TMEM178B: variants seen among roughly 807,000 people sequenced by gnomAD.
TMEM178B encodes transmembrane protein 178B.
A neutral mutation model predicts 31.0 loss-of-function variants in TMEM178B; 5 were observed. The ratio of observed to expected loss-of-function variants is 0.16; its 90% CI spans 0.08 to 0.34. The LOEUF (loss-of-function observed/expected upper bound fraction) is 0.34. Ranked by LOEUF, TMEM178B falls within the 10% of genes least tolerant of loss-of-function variation. The pLI is 1.00. For missense variants in TMEM178B, 275 were observed against 400.3 expected (o/e 0.69, Z 2.67); for synonymous variants, 164 against 164.0 (o/e 1.00, Z 0.00).
intron 1 of TMEM178B, among the ~76,000 whole-genome samples, chr7:141,184,789 G>C (rs117975093): frequency 1.3e-5 from 2 of 152,118 alleles, no homozygotes; most frequent in African/African-American, 4.8e-5. Flanking sequence ...AAGTTTACAC[G>C]CAGTGACCCT....
chr7:141,370,785 C>T (rs1392870857), intron 2 of TMEM178B, among the ~76,000 whole-genome samples: 1 of 152,244 alleles, frequency 6.6e-6, no homozygotes, highest in Non-Finnish European at 1.5e-5. Context: ...TTCCTCTTTG[C>T]ACATGGCAAA....
Position 141,473,028 on chromosome 7 carries a change from G to C in TMEM178B, c.*2242G>C, listed in dbSNP as rs1247527036. On this transcript the variant is annotated 3_prime_UTR_variant, in exon 4 of 4. Coordinates refer to ENST00000565468, the MANE Select transcript of TMEM178B (RefSeq NM_001195278.2). ...CTGTGTGTGGGTGTGCTGGGCGATA[G>C]GGTAAGGTGTGCAACGGGAAAAGTT... 6.6e-6 allele frequency: 1 copy of C among 152,194 alleles called. No individual in the cohort carries two copies. The highest frequency in any genetic ancestry group is 2.4e-5 in the African/African-American group (1 of 41,436). 9.4% of individuals were successfully genotyped at this position (152,194 alleles called of 1,614,324 possible). A position where few individuals can be genotyped will look rare whatever the true frequency, so the allele number is the denominator to read the frequency against.
rs573728249 is a variant in TMEM178B, at chr7:141,083,214, G to T, written c.382+8522G>T. On this transcript the variant is annotated intron_variant, in intron 1 of 3. Transcript: ENST00000565468. ...AACAATCCACAGAGAGAGGAGGAAG[G>T]GTGTGACTTGGTGAATGAATAGATG... Among the ~76,000 whole-genome samples the T allele has an allele frequency of 1.1e-4, 16 of 152,186 alleles. No homozygotes were observed. In the South Asian group the frequency reaches 1.5e-3, roughly 14 times the overall value.
chr7:141,177,110 C>T (rs567203773), intron 1 of TMEM178B, among the ~76,000 whole-genome samples: 1 of 152,320 alleles, frequency 6.6e-6, no homozygotes, highest in South Asian at 2.1e-4. Context: ...TCCCTCTACA[C>T]ACTGCTTTAA....
At chr7:141,504,719 G>A in the TMEM178B span, among the ~76,000 whole-genome samples, 2 of 152,152 alleles carry the variant, frequency 1.3e-5, no homozygotes, top group Admixed American at 6.5e-5. Flanking sequence ...TAGCTTTTGG[G>A]GTACAAGTGG....
chr7:141,082,675 C>G (rs1794705634), intron 1 of TMEM178B, among the ~76,000 whole-genome samples: 1 of 152,220 alleles, frequency 6.6e-6, no homozygotes, highest in South Asian at 2.1e-4. Flanking sequence ...TTTTGAGCAC[C>G]TGCTGTGTGC....
At chr7:141,349,955 GCATCCATCCATCCATC>G (rs60758674) in intron 2 of TMEM178B, among the ~76,000 whole-genome samples, 9 of 150,120 alleles carry the variant, frequency 6.0e-5, no homozygotes, top group Non-Finnish European at 8.9e-5. Flanking sequence ...ATGCATCCAT[GCATCCATCCATCCATC>G]CATCCATCCA....
intron 1 of TMEM178B, among the ~76,000 whole-genome samples, chr7:141,150,075 T>TA (rs1225410951): frequency 6.6e-6 from 1 of 152,096 alleles, no homozygotes; most frequent in Non-Finnish European, 1.5e-5. Context: ...GGAGTCTCTT[T>TA]AGCGGGGTTG....
intron 1 of TMEM178B, among the ~76,000 whole-genome samples, chr7:141,106,896 C>T (rs1367725724): frequency 2.6e-5 from 4 of 152,156 alleles, no homozygotes; most frequent in African/African-American, 7.2e-5. Context: ...AATCCCTGTT[C>T]TGCCTGAGCC....
rs370478102 is a variant in TMEM178B, at chr7:141,230,476, CTCTT to C, written c.496+17778_496+17781del. On this transcript the variant is annotated intron_variant, in intron 2 of 3. Coordinates refer to ENST00000565468, the MANE Select transcript of TMEM178B (RefSeq NM_001195278.2). ...TTGTACTTCTCCTTTGTAAAGTTCT[CTCTT>C]TCTTTTCTTTGTCTCTACTGTCCTG... Among the ~76,000 whole-genome samples the C allele has an allele frequency of 7.9e-5, 12 of 152,246 alleles. No individual in the cohort carries two copies. The East Asian group carries it at 2.3e-3, about 29-fold the overall frequency.
At chr7:141,325,676 C>T (rs1272596587) in intron 2 of TMEM178B, among the ~76,000 whole-genome samples, 2 of 152,160 alleles carry the variant, frequency 1.3e-5, no homozygotes, top group Non-Finnish European at 2.9e-5. Context: ...TTACACTGGT[C>T]CATGTTCTCA....
chr7:141,130,212 A>G (rs1211353585), intron 1 of TMEM178B, among the ~76,000 whole-genome samples: 1 of 152,256 alleles, frequency 6.6e-6, no homozygotes, highest in East Asian at 1.9e-4. Context: ...TATGGCAAAG[A>G]AACATGTTTT....
intron 2 of TMEM178B, among the ~76,000 whole-genome samples, chr7:141,342,083 G>A (rs1336698121): frequency 1.3e-5 from 2 of 152,134 alleles, no homozygotes; most frequent in Non-Finnish European, 2.9e-5. Flanking sequence ...AAGTAGCTGG[G>A]ATTACAGGTG....
intron 2 of TMEM178B, among the ~76,000 whole-genome samples, chr7:141,233,251 T>C (rs1251371858): frequency 2.0e-5 from 3 of 152,216 alleles, no homozygotes; most frequent in Non-Finnish European, 2.9e-5. Flanking sequence ...CAATGTCTGG[T>C]ATGATATCTA....
At chr7:141,121,098 T>G (rs1171141691) in intron 1 of TMEM178B, among the ~76,000 whole-genome samples, 1 of 152,178 alleles carries the variant, frequency 6.6e-6, no homozygotes. Context: ...CCCTTCCCTC[T>G]TATTTTCTTA....
chr7:141,078,416 T>C (rs2129170512), intron 1 of TMEM178B, among the ~76,000 whole-genome samples: 1 of 152,338 alleles, frequency 6.6e-6, no homozygotes, highest in East Asian at 1.9e-4. Flanking sequence ...TGGTTGTCAA[T>C]ACTCCAAAAG....
At chr7:141,248,698 A>G (rs1193287860) in intron 2 of TMEM178B, among the ~76,000 whole-genome samples, 2 of 152,226 alleles carry the variant, frequency 1.3e-5, no homozygotes, top group South Asian at 2.1e-4. Context: ...ATACTTCTGT[A>G]TAGAACACTT....
At chr7:141,317,461 C>G (rs1034356668) in intron 2 of TMEM178B, among the ~76,000 whole-genome samples, 1 of 152,160 alleles carries the variant, frequency 6.6e-6, no homozygotes, top group Admixed American at 6.5e-5. Flanking sequence ...GAAGGTCAGG[C>G]TGAGGCTATG....
At chr7:141,126,856 A>AGTGTGTGTGT (rs10600930) in intron 1 of TMEM178B, among the ~76,000 whole-genome samples, 8 of 145,584 alleles carry the variant, frequency 5.5e-5, no homozygotes, top group African/African-American at 1.0e-4. Flanking sequence ...ATCTTCTCAA[A>AGTGTGTGTGT]GTGTGTGTGT....
Sources: allele counts gnomAD v4.1 joint callset (sites outside exome capture counted in the v4.1 genomes callset), GRCh38; gene constraint gnomAD v4.1.1; transcripts MANE v1.5; gene names NCBI Gene and HGNC (gene_info 2026-07-23, HGNC 2026-07-21).